The following TRAF5 variants were observed in gnomAD, a reference collection of about 807,000 sequenced individuals.
The protein encoded by TRAF5 is TNF receptor-associated factor 5.
TRAF5 carries 48 observed loss-of-function variants against 64.5 expected under a neutral mutation model. The ratio of observed to expected loss-of-function variants is 0.74; its 90% CI spans 0.59 to 0.95. The LOEUF (loss-of-function observed/expected upper bound fraction) is 0.95, where lower values mean the gene tolerates loss of function less well. Among genes scored for constraint, TRAF5 ranks in the 40% least tolerant of loss-of-function variants. The pLI is 0.00. For missense variants in TRAF5, 545 were observed against 662.8 expected (o/e 0.82, Z 1.95); for synonymous variants, 206 against 240.5 (o/e 0.86, Z 1.33).
chr1:211,359,882 G>T, intron 4 of TRAF5, 30 bp from the exon 5 acceptor site: 1 of 1,612,884 alleles, frequency 6.2e-7, no homozygotes, highest in Non-Finnish European at 8.5e-7. Flanking sequence ...TGGTCAGCAG[G>T]TCCCACTGGC....
At chr1:211,363,460 A>G (rs1374109015) in intron 7 of TRAF5, among the ~76,000 whole-genome samples, 1 of 152,166 alleles carries the variant, frequency 6.6e-6, no homozygotes, top group Non-Finnish European at 1.5e-5. Flanking sequence ...CCTTACTGAC[A>G]CTCTGGTAAA....
chr1:211,372,725 G>C lies in TRAF5; in HGVS notation c.*23G>C. 1 of 1,600,206 alleles carries C rather than the reference G, an allele frequency of 6.2e-7. No homozygotes were observed. Among genetic ancestry groups the C allele is most frequent in the Non-Finnish European group, 8.6e-7 (1 of 1,169,086 alleles). ...TAGTCACTGTTATGGGGTGATAAGAGGACTTCTTGGGGCCAGAACTGTGGA... is the reference window on the plus strand; with the variant it reads ...TAGTCACTGTTATGGGGTGATAAGACGACTTCTTGGGGCCAGAACTGTGGA... On this transcript the variant is annotated 3_prime_UTR_variant, in exon 11 of 11. Coordinates refer to ENST00000261464, the MANE Select transcript of TRAF5 (RefSeq NM_001033910.3).
chr1:211,371,683 C>G (rs939352941), intron 10 of TRAF5, among the ~76,000 whole-genome samples: 2 of 152,040 alleles, frequency 1.3e-5, no homozygotes, highest in Admixed American at 6.6e-5. Context: ...CTAGGAAATT[C>G]CAAGACTGGA....
intron 7 of TRAF5, 79 bp downstream of exon 7, chr1:211,361,241 A>G (rs1703170430): frequency 2.3e-6 from 3 of 1,299,420 alleles, no homozygotes; most frequent in Non-Finnish European, 2.2e-6. Flanking sequence ...TCTCTGTTCC[A>G]TCGAGGATGG....
intron 1 of TRAF5, among the ~76,000 whole-genome samples, chr1:211,331,334 G>T (rs746204712): frequency 6.6e-6 from 1 of 152,210 alleles, no homozygotes; most frequent in South Asian, 2.1e-4. Context: ...AGAATCTGGT[G>T]GGCCTGGGTT....
intron 9 of TRAF5, among the ~76,000 whole-genome samples, chr1:211,370,553 G>A (rs141910497): frequency 3.3e-5 from 5 of 152,146 alleles, no homozygotes; most frequent in East Asian, 1.9e-4. Context: ...TGAAAATATC[G>A]TAAGTCAAAA....
intron 1 of TRAF5, among the ~76,000 whole-genome samples, chr1:211,342,416 A>G (rs1702471382): frequency 6.6e-6 from 1 of 152,138 alleles, no homozygotes; most frequent in African/African-American, 2.4e-5. Context: ...ATATGGGCAT[A>G]CAATGCATAA....
chr1:211,364,950 A>C (rs1703303158), intron 7 of TRAF5, among the ~76,000 whole-genome samples: 1 of 152,116 alleles, frequency 6.6e-6, no homozygotes. Context: ...AGGTAGGCAG[A>C]TCACTTGAGG....
chr1:211,326,756 C>A, upstream of TRAF5: 2 of 984,970 alleles, frequency 2.0e-6, no homozygotes, highest in Non-Finnish European at 2.4e-6. The surrounding 1 kb of genome is among the most constrained non-coding windows in gnomAD (Gnocchi z 5.0). Flanking sequence ...CCCCTGCGCC[C>A]GCCCGCGCCC....
Position 211,369,517 on chromosome 1 carries a change from A to G in TRAF5, c.855A>G (p.Ile285Met). 2 of 1,611,896 alleles carry G rather than the reference A, an allele frequency of 1.2e-6. No homozygotes were observed. The highest frequency in any genetic ancestry group is 1.7e-6 in the Non-Finnish European group (2 of 1,179,280). Reference sequence around the variant, plus strand: ...AAATCCAGCAGCTAGCAGAAACTATAAAGAAACTTGAAAAGGAGTTCAAGC... The same window carrying G: ...AAATCCAGCAGCTAGCAGAAACTATGAAGAAACTTGAAAAGGAGTTCAAGC... The part of the protein sequence containing the change: ...ESKIQQLAET[I>M]KKLEKEFKQF... Residue 285 changes from isoleucine (I) to methionine (M), a missense_variant, in exon 9 of 11, where the codon ATA (isoleucine) becomes ATG (methionine). Physicochemically the swap from Ile to Met is conservative, Grantham distance 10. Transcript: ENST00000261464.
rs571751252 is a variant in TRAF5 at position 211,335,634 on chromosome 1, G to C, written c.-2+8745G>C. Among the ~76,000 whole-genome samples the C allele has an allele frequency of 2.8e-4, 43 of 152,288 alleles. No homozygotes were observed. The East Asian group carries it at 7.7e-3, about 27-fold the overall frequency. ...CCTAACTTGATGGAGGAGGCACACA[G>C]AGGCATGGCTGCATATGTGAGGCTT... On this transcript the variant is annotated intron_variant, in intron 1 of 10. Transcript: ENST00000261464.
intron 1 of TRAF5, among the ~76,000 whole-genome samples, chr1:211,332,648 C>T (rs893881183): frequency 6.6e-6 from 1 of 152,078 alleles, no homozygotes; most frequent in East Asian, 1.9e-4. Context: ...CTTACATGCT[C>T]AGCAGATGCA....
chr1:211,351,387 T>C (rs2102739922), intron 1 of TRAF5, among the ~76,000 whole-genome samples: 1 of 152,216 alleles, frequency 6.6e-6, no homozygotes, highest in South Asian at 2.1e-4. Flanking sequence ...TCTCATGACT[T>C]CATTACCTGC....
intron 1 of TRAF5, among the ~76,000 whole-genome samples, chr1:211,349,089 T>C (rs1445858349): frequency 6.8e-6 from 1 of 148,102 alleles, no homozygotes; most frequent in Admixed American, 6.7e-5. Flanking sequence ...GCACCTGTAG[T>C]CCTAACTACT....
chr1:211,372,698 T>G lies in TRAF5; in HGVS notation c.1670T>G (p.Leu557Arg). 1 of 1,613,888 alleles carries G rather than the reference T, an allele frequency of 6.2e-7. No homozygotes were observed. Among genetic ancestry groups the G allele is most frequent in the South Asian group, 1.1e-5 (1 of 91,046 alleles). The stretch of plus-strand genomic sequence containing the variant: ...GTGGACTTAACTGACCTGGAGGATC[T>G]CTAGTCACTGTTATGGGGTGATAAG... ...VAVDLTDLED[L>R] The change falls in exon 11 of 11, where the codon CTC (leucine) becomes CGC (arginine). Residue 557 changes from leucine to arginine, a missense_variant. Physicochemically the swap from Leu to Arg is moderately radical, Grantham distance 102. Coordinates refer to ENST00000261464, the MANE Select transcript of TRAF5 (RefSeq NM_001033910.3).
At chr1:211,336,485 C>T (rs1398509619) in intron 1 of TRAF5, among the ~76,000 whole-genome samples, 3 of 152,206 alleles carry the variant, frequency 2.0e-5, no homozygotes, top group African/African-American at 7.2e-5. Context: ...CTTGCACTCT[C>T]CAGCTGGGAC....
intron 7 of TRAF5, among the ~76,000 whole-genome samples, chr1:211,361,821 T>C (rs1226845684): frequency 1.3e-5 from 2 of 149,426 alleles, no homozygotes; most frequent in Non-Finnish European, 1.5e-5. Flanking sequence ...CTCGGCCTCC[T>C]GAGTAGCTGG....
chr1:211,348,446 C>G (rs769709316), intron 1 of TRAF5, among the ~76,000 whole-genome samples: 1 of 152,034 alleles, frequency 6.6e-6, no homozygotes, highest in African/African-American at 2.4e-5. Flanking sequence ...ACAAGATTTT[C>G]TTTTAGAGCA....
chr1:211,372,820 T>G lies in TRAF5; in HGVS notation c.*118T>G. Reference sequence around the variant, plus strand: ...AGCACATTTGTATTTGCCTTTTTCCTTAACGTTTGAAGTCAGTTTAAAACT... The same window carrying G: ...AGCACATTTGTATTTGCCTTTTTCCGTAACGTTTGAAGTCAGTTTAAAACT... On this transcript the variant is annotated 3_prime_UTR_variant, in exon 11 of 11. Coordinates refer to ENST00000261464, the MANE Select transcript of TRAF5 (RefSeq NM_001033910.3). 1.0e-6 allele frequency: 1 copy of G among 956,162 alleles called. No homozygotes were observed. The allele number at this position is 956,162 out of a possible 1,614,324, so 59.2% of individuals were successfully genotyped here. A position where few individuals can be genotyped will look rare whatever the true frequency, so the allele number is the denominator to read the frequency against.
Sources: allele counts gnomAD v4.1 joint callset (sites outside exome capture counted in the v4.1 genomes callset), GRCh38; gene constraint gnomAD v4.1.1; non-coding constraint Gnocchi (gnomAD v3.1); transcripts MANE v1.5; gene names NCBI Gene and HGNC (gene_info 2026-07-23, HGNC 2026-07-21).